The following CTNNA3 variants were observed in gnomAD, a reference collection of about 807,000 sequenced individuals.
CTNNA3 encodes catenin alpha-3.
In CTNNA3, 76 loss-of-function variants were observed where a neutral mutation model predicts 95.7. The observed-to-expected ratio is 0.79, with a 90% confidence interval of 0.66 to 0.96. The LOEUF (loss-of-function observed/expected upper bound fraction) is 0.96. Ranked by LOEUF, CTNNA3 falls within the 40% of genes least tolerant of loss-of-function variation. The pLI is 0.00. For missense variants in CTNNA3, 1,191 were observed against 1,089.8 expected, an observed-to-expected ratio of 1.09 and a Z score of -1.31; for synonymous variants, 431 against 374.4, an observed-to-expected ratio of 1.15 and a Z score of -1.74.
chr10:66,247,408 T>G (rs1046463279), intron 13 of CTNNA3, among the ~76,000 whole-genome samples: 2 of 152,168 alleles, frequency 1.3e-5, no homozygotes, highest in Admixed American at 1.3e-4. Flanking sequence ...GCTTCACTAC[T>G]TTCTATAGGA....
At chr10:67,183,974 T>C (rs894846943) in intron 6 of CTNNA3, among the ~76,000 whole-genome samples, 4 of 151,612 alleles carry the variant, frequency 2.6e-5, no homozygotes, top group African/African-American at 9.7e-5. Flanking sequence ...CAAAAAGGAG[T>C]CAGAAGGAGC....
intron 9 of CTNNA3, among the ~76,000 whole-genome samples, chr10:66,763,987 T>C (rs1839734924): frequency 6.6e-6 from 1 of 152,134 alleles, no homozygotes; most frequent in African/African-American, 2.4e-5. Context: ...AGTCAACCCA[T>C]AGATTAGTGA....
chr10:67,067,513 A>C (rs1589689663), intron 7 of CTNNA3, among the ~76,000 whole-genome samples: 1 of 152,238 alleles, frequency 6.6e-6, no homozygotes. Context: ...TCAGATCAGA[A>C]ATATGTGCAT....
chr10:67,139,401 C>T (rs887850553), intron 7 of CTNNA3, among the ~76,000 whole-genome samples: 11 of 151,538 alleles, frequency 7.3e-5, no homozygotes, highest in African/African-American at 2.7e-4. Flanking sequence ...CTCGCCTCAG[C>T]CTCCCAAAGT....
intron 6 of CTNNA3, among the ~76,000 whole-genome samples, chr10:67,185,644 TATTTC>T (rs1043594764): frequency 2.0e-4 from 30 of 152,272 alleles, no homozygotes; most frequent in African/African-American, 6.5e-4. Flanking sequence ...TCTTCCTCCT[TATTTC>T]ATTTGCCACT....
intron 13 of CTNNA3, among the ~76,000 whole-genome samples, chr10:66,251,683 A>G (rs2090558543): frequency 6.6e-6 from 1 of 152,180 alleles, no homozygotes; most frequent in Non-Finnish European, 1.5e-5. Context: ...GTATTTCATT[A>G]TATCAAAATA....
intron 9 of CTNNA3, among the ~76,000 whole-genome samples, chr10:66,677,104 G>A (rs949675379): frequency 6.6e-6 from 1 of 152,102 alleles, no homozygotes; most frequent in South Asian, 2.1e-4. Flanking sequence ...TAGATTACTT[G>A]ACTTCTCTAG....
At chr10:67,292,727 G>T (rs970789109) in intron 5 of CTNNA3, among the ~76,000 whole-genome samples, 1 of 152,094 alleles carries the variant, frequency 6.6e-6, no homozygotes, top group Non-Finnish European at 1.5e-5. Context: ...AAGCCATAAA[G>T]CTGTTAATAC....
At chr10:67,291,657 C>A (rs1435192182) in intron 5 of CTNNA3, among the ~76,000 whole-genome samples, 2 of 152,168 alleles carry the variant, frequency 1.3e-5, no homozygotes, top group Non-Finnish European at 2.9e-5. Flanking sequence ...ATGTAACCAT[C>A]TACCATAAAT....
intron 7 of CTNNA3, among the ~76,000 whole-genome samples, chr10:67,073,654 G>C (rs1175561109): frequency 2.6e-5 from 4 of 151,334 alleles, no homozygotes; most frequent in African/African-American, 9.7e-5. Context: ...AAAAATAATA[G>C]AGATACAAAA....
intron 12 of CTNNA3, among the ~76,000 whole-genome samples, chr10:66,305,360 T>C (rs1438362089): frequency 1.3e-5 from 2 of 152,012 alleles, no homozygotes; most frequent in Admixed American, 1.3e-4. Context: ...TAATAATGTA[T>C]CCAACACATA....
chr10:66,996,400 C>T (rs1851340021), intron 7 of CTNNA3, among the ~76,000 whole-genome samples: 1 of 152,038 alleles, frequency 6.6e-6, no homozygotes, highest in Admixed American at 6.6e-5. Context: ...AATCCTAGCA[C>T]TTTGGGAGGC....
At chr10:66,483,963 CT>C (rs1370513166) in intron 11 of CTNNA3, among the ~76,000 whole-genome samples, 2 of 152,078 alleles carry the variant, frequency 1.3e-5, no homozygotes, top group East Asian at 3.9e-4. Flanking sequence ...TACTACAATA[CT>C]TTTTCCCCAC....
intron 14 of CTNNA3, among the ~76,000 whole-genome samples, chr10:66,088,024 A>G (rs1297096954): frequency 1.3e-5 from 2 of 151,996 alleles, no homozygotes; most frequent in Non-Finnish European, 2.9e-5. Context: ...AGATTAAGAA[A>G]ATCAAATGGA....
intron 12 of CTNNA3, among the ~76,000 whole-genome samples, chr10:66,316,705 T>C (rs2394206): frequency 0.056 from 8,486 of 152,142 alleles, 331 homozygotes; most frequent in Middle Eastern, 0.082. Flanking sequence ...CAGGTGGGAA[T>C]TGATTTTCTC....
chr10:66,012,915 A>G (rs1236978416), intron 15 of CTNNA3, among the ~76,000 whole-genome samples: 2 of 152,188 alleles, frequency 1.3e-5, no homozygotes, highest in African/African-American at 4.8e-5. Context: ...CACTGGCTAC[A>G]GTGCATCATA....
At chr10:66,303,152 A>C (rs1229734446) in intron 12 of CTNNA3, among the ~76,000 whole-genome samples, 1 of 152,214 alleles carries the variant, frequency 6.6e-6, no homozygotes, top group African/African-American at 2.4e-5. Flanking sequence ...AATAGCAACA[A>C]GGATAAACAC....
At chr10:66,820,006 G>T (rs994906882) in intron 7 of CTNNA3, among the ~76,000 whole-genome samples, 3 of 150,790 alleles carry the variant, frequency 2.0e-5, no homozygotes, top group Non-Finnish European at 4.4e-5. Context: ...AACTGAAAAT[G>T]AGTTCACACA....
At chr10:67,098,635 G>A (rs1858154768) in intron 7 of CTNNA3, 2 of 152,256 alleles carry the variant, frequency 1.3e-5, no homozygotes, top group African/African-American at 2.4e-5. Context: ...AGGGTTGGGG[G>A]AAAGCATGGA....
Sources: allele counts gnomAD v4.1 joint callset (sites outside exome capture counted in the v4.1 genomes callset), GRCh38; gene constraint gnomAD v4.1.1; transcripts MANE v1.5; gene names NCBI Gene and HGNC (gene_info 2026-07-23, HGNC 2026-07-21).